MCPH1: variants seen among roughly 807,000 people sequenced by gnomAD.
The protein encoded by MCPH1 is microcephalin 1, also known as microcephalin.
In MCPH1, 104 loss-of-function variants were observed where a neutral mutation model predicts 84.5. The ratio of observed to expected loss-of-function variants is 1.23; its 90% CI spans 1.05 to 1.45. MCPH1 has a LOEUF of 1.45. MCPH1 is among the 40% of genes most tolerant of loss of function. MCPH1 has a pLI of 0.00. For missense variants in MCPH1, 1,498 were observed against 1,005.7 expected (o/e 1.49, Z -6.62); for synonymous variants, 514 against 366.8 (o/e 1.40, Z -4.58).
At chr8:6,638,156 A>C (rs1474006604) in intron 13 of MCPH1, among the ~76,000 whole-genome samples, 2 of 151,938 alleles carry the variant, frequency 1.3e-5, no homozygotes, top group Non-Finnish European at 2.9e-5. Flanking sequence ...ATGAGAAACG[A>C]CTCTAGGAAT....
At chr8:6,615,203 G>A (rs1830678760) in intron 12 of MCPH1, among the ~76,000 whole-genome samples, 1 of 152,202 alleles carries the variant, frequency 6.6e-6, no homozygotes, top group East Asian at 1.9e-4. Flanking sequence ...GGGCTCCTGT[G>A]TGCTTTCCGT....
intron 12 of MCPH1, among the ~76,000 whole-genome samples, chr8:6,614,798 A>G (rs1459120921): frequency 6.6e-6 from 1 of 152,048 alleles, no homozygotes; most frequent in African/African-American, 2.4e-5. Flanking sequence ...CCCCATTTGC[A>G]CACAGGAAGC....
intron 12 of MCPH1, chr8:6,617,277 G>GTTTTTTT (rs71213326): frequency 8.7e-6 from 1 of 114,642 alleles, no homozygotes; most frequent in African/African-American, 3.6e-5. Flanking sequence ...TGTTTTTTTT[G>GTTTTTTT]TTTTTTTTTT....
intron 12 of MCPH1, among the ~76,000 whole-genome samples, chr8:6,509,462 G>T (rs1039027582): frequency 6.6e-6 from 1 of 152,158 alleles, no homozygotes; most frequent in African/African-American, 2.4e-5. Flanking sequence ...ATTATTTTCC[G>T]CAGGGGGCCC....
chr8:6,415,881 A>G (rs1043500248), intron 3 of MCPH1, among the ~76,000 whole-genome samples: 6 of 152,170 alleles, frequency 3.9e-5, no homozygotes, highest in African/African-American at 1.2e-4. Context: ...GTAGGATTGT[A>G]TTGAATCTCT....
chr8:6,415,108 C>A (rs1477619263), intron 3 of MCPH1, among the ~76,000 whole-genome samples: 1 of 151,860 alleles, frequency 6.6e-6, no homozygotes. Context: ...CCTGCAGGTC[C>A]TGAAGCTGGG....
chr8:6,418,728 C>A (rs947770823), intron 3 of MCPH1, among the ~76,000 whole-genome samples: 2 of 152,038 alleles, frequency 1.3e-5, no homozygotes, highest in African/African-American at 4.8e-5. Flanking sequence ...ATCACAGGCA[C>A]GTGCCACCAC....
At chr8:6,531,432 A>G (rs1337564664) in intron 12 of MCPH1, among the ~76,000 whole-genome samples, 1 of 151,534 alleles carries the variant, frequency 6.6e-6, no homozygotes, top group Non-Finnish European at 1.5e-5. Context: ...GGGATTGCAG[A>G]TGCCCGCCAC....
chr8:6,527,778 A>G (rs1046895428), intron 12 of MCPH1: 2 of 1,123,124 alleles, frequency 1.8e-6, no homozygotes, highest in Non-Finnish European at 2.5e-6. Flanking sequence ...AAACATAACA[A>G]AAACATTATT....
At chr8:6,473,924 C>G in intron 9 of MCPH1, 2 of 1,535,396 alleles carry the variant, frequency 1.3e-6, no homozygotes, top group Non-Finnish European at 1.8e-6. Flanking sequence ...TGGTTTATTG[C>G]TGGGCAGCCG....
intron 11 of MCPH1, among the ~76,000 whole-genome samples, chr8:6,489,719 G>T (rs141927974): frequency 6.6e-6 from 1 of 152,262 alleles, no homozygotes; most frequent in African/African-American, 2.4e-5. Flanking sequence ...AGTGTGACTC[G>T]AGCCTTCTCG....
At chr8:6,513,361 C>G (rs1445051530) in intron 12 of MCPH1, among the ~76,000 whole-genome samples, 1 of 140,316 alleles carries the variant, frequency 7.1e-6, no homozygotes, top group Non-Finnish European at 1.5e-5. Context: ...GAGACGGAGT[C>G]TTGCTCTGTC....
chr8:6,427,301 A>G (rs183730150), intron 3 of MCPH1, among the ~76,000 whole-genome samples: 1 of 152,278 alleles, frequency 6.6e-6, no homozygotes, highest in Non-Finnish European at 1.5e-5. Flanking sequence ...ATACAGTACT[A>G]TGGACTTTAT....
chr8:6,467,030 A>G (rs1050729097), intron 9 of MCPH1, among the ~76,000 whole-genome samples: 1 of 152,246 alleles, frequency 6.6e-6, no homozygotes, highest in African/African-American at 2.4e-5. Flanking sequence ...GAATAAAAAC[A>G]TTATTATTCA....
At chr8:6,484,422 C>T (rs1009351396) in intron 11 of MCPH1, among the ~76,000 whole-genome samples, 5 of 152,222 alleles carry the variant, frequency 3.3e-5, no homozygotes, top group East Asian at 1.9e-4. Context: ...GCAGCTGGAA[C>T]GGCTGCTGGT....
chr8:6,639,124 G>A (rs1213890149), intron 13 of MCPH1, among the ~76,000 whole-genome samples: 1 of 152,140 alleles, frequency 6.6e-6, no homozygotes, highest in African/African-American at 2.4e-5. Context: ...TCCCCACCAC[G>A]ATAAATACGT....
At chr8:6,447,203 C>G (rs1804526295) in intron 8 of MCPH1, 1 of 985,300 alleles carries the variant, frequency 1.0e-6, no homozygotes, top group African/African-American at 1.7e-5. Context: ...ATGTTTTAAA[C>G]TGTCCACTGT....
At chr8:6,485,152 C>A (rs966727233) in intron 11 of MCPH1, among the ~76,000 whole-genome samples, 3 of 152,012 alleles carry the variant, frequency 2.0e-5, no homozygotes, top group African/African-American at 4.8e-5. Flanking sequence ...TGGTGAAACT[C>A]CGTCTCTACT....
rs967128744 is a variant in MCPH1, at chr8:6,647,724, A to G, written c.*4675A>G. 1 of 152,236 alleles carries G rather than the reference A, an allele frequency of 6.6e-6. No homozygotes were observed. Among genetic ancestry groups the G allele is most frequent in the African/African-American group, 2.4e-5 (1 of 41,456 alleles). 9.4% of individuals were successfully genotyped at this position (152,236 alleles called of 1,614,324 possible). On this transcript the variant is annotated 3_prime_UTR_variant, in exon 14 of 14. Coordinates refer to ENST00000344683, the MANE Select transcript of MCPH1 (RefSeq NM_024596.5). Reference sequence around the variant, plus strand: ...CTACAAACCGCAAAACTGTAGAGGCACGAAACAGATTCATGGTCTGCTGCA... The same window carrying G: ...CTACAAACCGCAAAACTGTAGAGGCGCGAAACAGATTCATGGTCTGCTGCA...
Sources: allele counts gnomAD v4.1 joint callset (sites outside exome capture counted in the v4.1 genomes callset), GRCh38; gene constraint gnomAD v4.1.1; transcripts MANE v1.5; gene names NCBI Gene and HGNC (gene_info 2026-07-23, HGNC 2026-07-21).